PTGER4: variants seen among roughly 807,000 people sequenced by gnomAD.
PTGER4 encodes the protein prostaglandin E2 receptor EP4 subtype.
In PTGER4, 11 loss-of-function variants were observed where a neutral mutation model predicts 33.2. The ratio of observed to expected loss-of-function variants is 0.33; its 90% CI spans 0.21 to 0.55. The LOEUF is 0.55. Among genes scored for constraint, PTGER4 ranks in the 20% least tolerant of loss-of-function variants. The pLI, the probability that PTGER4 is intolerant of heterozygous loss-of-function variation, is 0.92. For missense variants in PTGER4, 481 were observed against 650.2 expected, an observed-to-expected ratio of 0.74 and a Z score of 2.83; for synonymous variants, 275 against 281.5, an observed-to-expected ratio of 0.98 and a Z score of 0.23.
At chr5:40,736,516 G>C in the PTGER4 span, among the ~76,000 whole-genome samples, 2 of 152,072 alleles carry the variant, frequency 1.3e-5, no homozygotes, top group African/African-American at 4.8e-5. Context: ...AGATGTCAAA[G>C]TTGGGACTAA....
Position 40,691,722 on chromosome 5 carries a change from A to G in PTGER4, c.868-57A>G. 1 of 1,553,204 alleles carries G rather than the reference A, an allele frequency of 6.4e-7. No individual in the cohort carries two copies. Among genetic ancestry groups the G allele is most frequent in the Non-Finnish European group, 8.7e-7 (1 of 1,149,896 alleles). ...TATTGATAAGGTAGACATAGCATTT[A>G]TATGTTTTCCCAATTGATTAATGAT... On this transcript the variant is annotated intron_variant, in intron 2 of 2. Coordinates refer to ENST00000302472, the MANE Select transcript of PTGER4 (RefSeq NM_000958.3). The surrounding 1 kb of genome is among the most constrained non-coding windows in gnomAD (Gnocchi z 4.2).
the PTGER4 span, among the ~76,000 whole-genome samples, chr5:40,738,499 C>CAATAAAATACAATAAAATAA: frequency 1.1e-4 from 9 of 80,846 alleles, no homozygotes; most frequent in South Asian, 1.3e-3. Flanking sequence ...CAATACAATA[C>CAATAAAATACAATAAAATAA]AATACAATAA....
the PTGER4 span, among the ~76,000 whole-genome samples, chr5:40,738,494 C>CAATAA: frequency 1.7e-3 from 149 of 87,682 alleles, 1 homozygote; most frequent in South Asian, 7.3e-3. Flanking sequence ...CAATACAATA[C>CAATAA]AATACAATAC....
the PTGER4 span, among the ~76,000 whole-genome samples, chr5:40,744,054 TG>T: frequency 6.6e-6 from 1 of 152,238 alleles, no homozygotes; most frequent in Non-Finnish European, 1.5e-5. Context: ...CACACATTAG[TG>T]TGGTTAAAAG....
the PTGER4 span, among the ~76,000 whole-genome samples, chr5:40,705,562 T>C: frequency 6.6e-5 from 10 of 152,126 alleles, no homozygotes; most frequent in African/African-American, 2.4e-4. Context: ...GAGAAAACAT[T>C]TGCAAACTGT....
the PTGER4 span, among the ~76,000 whole-genome samples, chr5:40,724,926 C>T: frequency 6.7e-6 from 1 of 149,822 alleles, no homozygotes; most frequent in Non-Finnish European, 1.5e-5. Context: ...GATCTCAGCT[C>T]ACTGCAACCT....
intron 2 of PTGER4, among the ~76,000 whole-genome samples, chr5:40,688,189 AT>A (rs1741375141): frequency 6.6e-6 from 1 of 152,218 alleles, no homozygotes; most frequent in Non-Finnish European, 1.5e-5. Flanking sequence ...GCAACCAGCA[AT>A]AAAACATTTT....
At chr5:40,723,887 A>G in the PTGER4 span, among the ~76,000 whole-genome samples, 1 of 152,148 alleles carries the variant, frequency 6.6e-6, no homozygotes, top group African/African-American at 2.4e-5. Context: ...ACAAACAAAA[A>G]GGCAAGATGT....
At chr5:40,728,772 A>G in the PTGER4 span, among the ~76,000 whole-genome samples, 2 of 152,314 alleles carry the variant, frequency 1.3e-5, no homozygotes, top group Admixed American at 1.3e-4. Context: ...TGAACTCCCA[A>G]TTCCACTTCC....
chr5:40,697,214 A>AG (rs1741621144), downstream of PTGER4, among the ~76,000 whole-genome samples: 1 of 126,182 alleles, frequency 7.9e-6, no homozygotes, highest in African/African-American at 3.1e-5. Flanking sequence ...GAAAGAAAGA[A>AG]AAAGAAAGAA....
At chr5:40,727,892 GTTTA>G in the PTGER4 span, among the ~76,000 whole-genome samples, 2 of 152,094 alleles carry the variant, frequency 1.3e-5, no homozygotes, top group African/African-American at 4.8e-5. Context: ...TGTGAACTGT[GTTTA>G]TGGATTAATA....
downstream of PTGER4, among the ~76,000 whole-genome samples, chr5:40,698,244 C>T (rs898681688): frequency 9.2e-5 from 14 of 151,830 alleles, no homozygotes; most frequent in Non-Finnish European, 4.4e-5. Flanking sequence ...TGCCACTGGA[C>T]ACCAGCCTGG....
Position 40,681,068 on chromosome 5 carries a change from G to T in PTGER4, c.75G>T (p.Ala25=). ...TGAACAGCCCAGTGACCATCCCGGC[G>T]GTGATGTTCATCTTCGGGGTGGTGG... is the stretch of plus-strand genomic sequence containing the variant. ...DRLNSPVTIP[A]VMFIFGVVGN... Residue 25 remains alanine (A), a synonymous_variant, in exon 2 of 3, where the codon GCG becomes GCT. Transcript: ENST00000302472. The surrounding 1 kb of genome is among the most constrained non-coding windows in gnomAD (Gnocchi z 9.8). 2 of 1,614,068 alleles carry T rather than the reference G, an allele frequency of 1.2e-6. No homozygotes were observed.
In PTGER4 at chr5:40,693,729, C is replaced by T. The variant is rs1741526705; in HGVS notation, c.*1351C>T. ...TTTTGGAGATTATAATAAATATATA[C>T]ATTCAATCTGAGTTGCATATCCTCA... On this transcript the variant is annotated 3_prime_UTR_variant, in exon 3 of 3. Transcript: ENST00000302472. 1 of 979,148 alleles carries T rather than the reference C, an allele frequency of 1.0e-6. No homozygotes were observed. The highest frequency in any genetic ancestry group is 6.2e-5 in the Admixed American group (1 of 16,260). 60.7% of individuals were successfully genotyped at this position (979,148 alleles called of 1,614,324 possible). A position where few individuals can be genotyped will look rare whatever the true frequency, so the allele number is the denominator to read the frequency against.
chr5:40,741,800 C>A, the PTGER4 span, among the ~76,000 whole-genome samples: 2 of 152,076 alleles, frequency 1.3e-5, no homozygotes, highest in South Asian at 2.1e-4. Context: ...ACCAGCCTGG[C>A]CAATATGGTA....
At position 40,681,762 on chromosome 5, in the gene PTGER4, C is replaced by A. The variant is rs2111784804; in HGVS notation, c.769C>A (p.Arg257Ser). 2 of 1,595,682 alleles carry A rather than the reference C, an allele frequency of 1.3e-6. No homozygotes were observed. The highest frequency in any genetic ancestry group is 1.1e-5 in the South Asian group (1 of 89,532). The stretch of plus-strand genomic sequence containing the variant: ...GCCGCGCCTCAGCGACTTTCGGCGC[C>A]GCCGGAGCTTCCGCCGCATCGCGGG... ...ALPRLSDFRR[R>S]RSFRRIAGAE... Residue 257 changes from arginine (R) to serine (S), a missense_variant, in exon 2 of 3, where the codon CGC becomes AGC. By Grantham distance (110) the Arg-to-Ser change is moderately radical. This residue lies in a region of PTGER4 where 174 missense variants were observed against 210.5 expected (regional missense o/e 0.83). Transcript: ENST00000302472. This position sits in a 1 kb window ranked among gnomAD's most constrained non-coding sequence, Gnocchi z 9.8.
chr5:40,737,329 C>T, the PTGER4 span, among the ~76,000 whole-genome samples: 359 of 151,764 alleles, frequency 2.4e-3, 2 homozygotes, highest in African/African-American at 8.4e-3. Context: ...GGGACTTCTG[C>T]TACTATCCTA....
chr5:40,743,223 C>T, the PTGER4 span, among the ~76,000 whole-genome samples: 4 of 152,032 alleles, frequency 2.6e-5, no homozygotes, highest in Non-Finnish European at 5.9e-5. Flanking sequence ...GAGAAAATGA[C>T]AAATGAGCAG....
chr5:40,693,107 CT>C lies in PTGER4; in HGVS notation c.*730del. On this transcript the variant is annotated 3_prime_UTR_variant, in exon 3 of 3. Transcript: ENST00000302472. ...GATGTGAAAATTACAGTCCAAAATACTGTTCTTTCCAGGCTATGTATAAAAT... is the reference window on the plus strand; with the variant it reads ...GATGTGAAAATTACAGTCCAAAATACGTTCTTTCCAGGCTATGTATAAAAT... 1.1e-6 allele frequency: 1 copy of C among 943,554 alleles called. No individual in the cohort carries two copies. The highest frequency in any genetic ancestry group is 1.3e-6 in the Non-Finnish European group (1 of 791,694). 58.4% of individuals were successfully genotyped at this position (943,554 alleles called of 1,614,324 possible). A position where few individuals can be genotyped will look rare whatever the true frequency, so the allele number is the denominator to read the frequency against.
Sources: allele counts gnomAD v4.1 joint callset (sites outside exome capture counted in the v4.1 genomes callset), GRCh38; gene constraint gnomAD v4.1.1; regional missense constraint gnomAD v4.1.1; non-coding constraint Gnocchi (gnomAD v3.1); transcripts MANE v1.5; gene names NCBI Gene and HGNC (gene_info 2026-07-23, HGNC 2026-07-21).